The following PCDHA4 variants were observed in gnomAD, a reference collection of about 807,000 sequenced individuals.
PCDHA4 encodes the protein protocadherin alpha 4, also known as protocadherin alpha-4.
In PCDHA4, 49 loss-of-function variants were observed where a neutral mutation model predicts 61.4. The ratio of observed to expected loss-of-function variants is 0.80; its 90% CI spans 0.63 to 1.01. The LOEUF (loss-of-function observed/expected upper bound fraction) is 1.01. Ranked by LOEUF, PCDHA4 falls within the 50% of genes least tolerant of loss-of-function variation. The pLI is 0.00. For missense variants in PCDHA4, 1,254 were observed against 1,235.8 expected, an observed-to-expected ratio of 1.01 and a Z score of -0.22; for synonymous variants, 590 against 550.3, an observed-to-expected ratio of 1.07 and a Z score of -1.01.
intron 1 of PCDHA4, among the ~76,000 whole-genome samples, chr5:140,977,307 G>A (rs1023836424): frequency 6.6e-6 from 1 of 152,304 alleles, no homozygotes; most frequent in Non-Finnish European, 1.5e-5. Context: ...ACAAGCTAAC[G>A]ATAGTGCTCC....
At chr5:140,828,672 T>G in intron 1 of PCDHA4, 2 of 1,614,182 alleles carry the variant, frequency 1.2e-6, no homozygotes, top group South Asian at 2.2e-5. Context: ...CAAATTGGGC[T>G]CTTATTAAAG....
intron 1 of PCDHA4, among the ~76,000 whole-genome samples, chr5:140,977,932 C>T (rs2096781582): frequency 6.6e-6 from 1 of 151,944 alleles, no homozygotes; most frequent in Non-Finnish European, 1.5e-5. Flanking sequence ...TCAACTATAC[C>T]TCAATATTCA....
chr5:140,873,153 C>T (rs2054129567), intron 1 of PCDHA4, among the ~76,000 whole-genome samples: 1 of 152,224 alleles, frequency 6.6e-6, no homozygotes, highest in East Asian at 1.9e-4. Flanking sequence ...TATTCATAGA[C>T]TTTAGATCGA....
chr5:141,000,005 C>T (rs2097888446), intron 3 of PCDHA4, among the ~76,000 whole-genome samples: 1 of 152,024 alleles, frequency 6.6e-6, no homozygotes. Context: ...ATTAGATTGG[C>T]CTCCCCATTG....
chr5:140,988,658 T>C (rs1470835683), intron 3 of PCDHA4, among the ~76,000 whole-genome samples: 7 of 152,232 alleles, frequency 4.6e-5, no homozygotes, highest in African/African-American at 9.6e-5. Flanking sequence ...TTTTTGTTTA[T>C]GAATAGACTC....
chr5:140,833,279 A>C (rs1772393333), intron 1 of PCDHA4, among the ~76,000 whole-genome samples: 1 of 152,198 alleles, frequency 6.6e-6, no homozygotes, highest in Non-Finnish European at 1.5e-5. Flanking sequence ...AAACTTATTT[A>C]GGAAAGCATC....
intron 1 of PCDHA4, chr5:140,856,230 G>C (rs17844339): frequency 1.3e-6 from 2 of 1,597,950 alleles, no homozygotes; most frequent in African/African-American, 1.3e-5. Flanking sequence ...CTGGTGCAGC[G>C]CCTGTTCCGG....
chr5:140,878,622 T>A (rs1163171601), intron 1 of PCDHA4, among the ~76,000 whole-genome samples: 1 of 152,244 alleles, frequency 6.6e-6, no homozygotes, highest in African/African-American at 2.4e-5. Flanking sequence ...GCATTTTACA[T>A]ATTTTAACTT....
chr5:140,825,122 C>T (rs1554130144), intron 1 of PCDHA4: 1 of 151,522 alleles, frequency 6.6e-6, no homozygotes, highest in African/African-American at 2.4e-5. Context: ...ACTTCCCTAC[C>T]CCCTTAAAAA....
Position 140,966,485 on chromosome 5 carries a change from C to G in PCDHA4, c.2386-12464C>G, listed in dbSNP as rs564574047. 5.5e-4 allele frequency: 237 copies of G among 432,246 alleles called. 1 individual carries two copies. The highest frequency in any genetic ancestry group is 4.6e-3 in the African/African-American group (223 of 48,858). 26.8% of individuals were successfully genotyped at this position (432,246 alleles called of 1,614,324 possible). A position where few individuals can be genotyped will look rare whatever the true frequency, so the allele number is the denominator to read the frequency against. Reference sequence around the variant, plus strand: ...TCTTCCCTTCTGTTTCCTTTTCCCTCCCCCTGGAGCTGTAGCGGCAGCAGC... The same window carrying G: ...TCTTCCCTTCTGTTTCCTTTTCCCTGCCCCTGGAGCTGTAGCGGCAGCAGC... On this transcript the variant is annotated intron_variant, in intron 1 of 3. Transcript: ENST00000530339.
chr5:140,937,953 T>G (rs955302275), intron 1 of PCDHA4, among the ~76,000 whole-genome samples: 5 of 152,174 alleles, frequency 3.3e-5, no homozygotes, highest in South Asian at 2.1e-4. Flanking sequence ...TGGCTTTTGT[T>G]GAAAGTATAT....
In PCDHA4 at chr5:140,991,828, C is replaced by T. The variant is rs1554252431; in HGVS notation, c.2533+9265C>T. Among the ~76,000 whole-genome samples, 6 of 152,168 alleles carry T rather than the reference C, an allele frequency of 3.9e-5. No homozygotes were observed. The South Asian group carries it at 6.2e-4, about 16-fold the overall frequency. The stretch of plus-strand genomic sequence containing the variant: ...CTTCCGCATTTTTAGGCATTTATAA[C>T]GGCAGAACCGCACTTCCAGATACCA... On this transcript the variant is annotated intron_variant, in intron 3 of 3. Transcript: ENST00000530339.
At chr5:140,864,373 TAA>T (rs1207632407) in intron 1 of PCDHA4, 1 of 152,248 alleles carries the variant, frequency 6.6e-6, no homozygotes, top group Non-Finnish European at 1.5e-5. Context: ...CTATAATCGA[TAA>T]GTTTATCTCT....
At chr5:140,822,944 C>A (rs2150120585) in intron 1 of PCDHA4, 2 of 1,614,240 alleles carry the variant, frequency 1.2e-6, no homozygotes. Context: ...TCCCTAATGC[C>A]CCACGTTCCC....
chr5:140,918,032 A>G (rs528006913), intron 1 of PCDHA4, among the ~76,000 whole-genome samples: 2 of 152,224 alleles, frequency 1.3e-5, no homozygotes, highest in East Asian at 1.9e-4. Context: ...TGAGCGTGGA[A>G]GGTCTTTCCA....
chr5:140,857,774 G>A (rs554890390), intron 1 of PCDHA4: 8 of 1,597,758 alleles, frequency 5.0e-6, no homozygotes, highest in Admixed American at 1.7e-5. Context: ...GGGCGGTGCA[G>A]TCAGTGAGCT....
intron 1 of PCDHA4, among the ~76,000 whole-genome samples, chr5:140,950,612 T>A (rs2094502401): frequency 6.6e-6 from 1 of 152,072 alleles, no homozygotes; most frequent in Non-Finnish European, 1.5e-5. Flanking sequence ...ATGATGTGCT[T>A]ATTTATGCTT....
intron 3 of PCDHA4, among the ~76,000 whole-genome samples, chr5:141,001,290 G>A (rs2098005878): frequency 6.6e-6 from 1 of 152,100 alleles, no homozygotes; most frequent in Non-Finnish European, 1.5e-5. Flanking sequence ...GATGAAAACT[G>A]AGGCCCAGAG....
intron 1 of PCDHA4, chr5:140,834,304 A>G (rs2150215159): frequency 5.3e-6 from 7 of 1,322,818 alleles, no homozygotes; most frequent in South Asian, 1.4e-5. Context: ...ACACATCGAG[A>G]TTGAAATGAA....
Sources: allele counts gnomAD v4.1 joint callset (sites outside exome capture counted in the v4.1 genomes callset), GRCh38; gene constraint gnomAD v4.1.1; transcripts MANE v1.5; gene names NCBI Gene and HGNC (gene_info 2026-07-23, HGNC 2026-07-21).